DNER: variants seen among roughly 807,000 people sequenced by gnomAD.
DNER encodes delta/notch like EGF repeat containing, also known as delta and Notch-like epidermal growth factor-related receptor.
A neutral mutation model predicts 78.2 loss-of-function variants in DNER; 33 were observed. The observed-to-expected ratio is 0.42, with a 90% CI of 0.32 to 0.56. DNER has a LOEUF of 0.56. Ranked by LOEUF, DNER falls within the 20% of genes least tolerant of loss-of-function variation. DNER has a pLI of 0.11. For synonymous variants in DNER, 417 were observed against 384.8 expected, an observed-to-expected ratio of 1.08 and a Z score of -0.98; for missense variants, 918 against 975.3, an observed-to-expected ratio of 0.94 and a Z score of 0.78.
intron 1 of DNER, among the ~76,000 whole-genome samples, chr2:229,677,796 G>A (rs1047183659): frequency 1.3e-5 from 2 of 152,168 alleles, no homozygotes; most frequent in Non-Finnish European, 2.9e-5. Flanking sequence ...ATATGTTTAA[G>A]TTTTTTGAAA....
chr2:229,561,644 A>T (rs1042496617), intron 4 of DNER, among the ~76,000 whole-genome samples: 2 of 152,110 alleles, frequency 1.3e-5, no homozygotes, highest in African/African-American at 4.8e-5. Flanking sequence ...GTTATTAGCC[A>T]CCGTGCTACA....
chr2:229,673,837 G>A lies in DNER; in HGVS notation c.276+40311C>T, dbSNP rs1699251688. Among the ~76,000 whole-genome samples, 4 of 152,228 alleles carry A rather than the reference G, an allele frequency of 2.6e-5. 1 individual carries two copies. The South Asian group carries it at 8.3e-4, about 31-fold the overall frequency. On this transcript the variant is annotated intron_variant, in intron 1 of 12. Coordinates refer to ENST00000341772, the MANE Select transcript of DNER (RefSeq NM_139072.4). ...TCCCTTCCCCATGGCTCTTTGCTCT[G>A]AGGCTGACGCATACGGACAAACACA... is the stretch of plus-strand genomic sequence containing the variant.
intron 12 of DNER, 93 bp downstream of exon 12, chr2:229,366,780 C>T: frequency 6.5e-7 from 1 of 1,546,754 alleles, no homozygotes. Flanking sequence ...AAAATCTCCT[C>T]TTTGCAAATG....
chr2:229,416,661 T>C (rs1693659265), intron 9 of DNER, among the ~76,000 whole-genome samples: 1 of 152,168 alleles, frequency 6.6e-6, no homozygotes, highest in South Asian at 2.1e-4. Context: ...GCTGAAGGAT[T>C]TTTTTGGACT....
At chr2:229,571,637 C>A (rs1024195706) in intron 4 of DNER, among the ~76,000 whole-genome samples, 3 of 152,124 alleles carry the variant, frequency 2.0e-5, no homozygotes, top group Admixed American at 2.0e-4. Flanking sequence ...CTTTTAACTG[C>A]CCACTGAATG....
intron 5 of DNER, among the ~76,000 whole-genome samples, chr2:229,516,041 C>A (rs1695964238): frequency 6.6e-6 from 1 of 152,302 alleles, no homozygotes; most frequent in South Asian, 2.1e-4. Context: ...CCTGAAGAAA[C>A]TGTTGAAACA....
intron 4 of DNER, among the ~76,000 whole-genome samples, chr2:229,583,549 C>T (rs554793691): frequency 6.6e-6 from 1 of 152,300 alleles, no homozygotes; most frequent in East Asian, 1.9e-4. Flanking sequence ...CAGCGTAGGT[C>T]AGAGACTGTC....
intron 1 of DNER, among the ~76,000 whole-genome samples, chr2:229,696,881 G>A (rs745406076): frequency 9.9e-5 from 15 of 152,156 alleles, no homozygotes; most frequent in Non-Finnish European, 1.8e-4. Context: ...CCATCCAGGG[G>A]GGATCCTGGG....
Position 229,425,212 on chromosome 2 carries a change from C to T in DNER, c.1487-6982G>A, listed in dbSNP as rs558585043. Reference sequence around the variant, plus strand: ...AGGCCCTGGGTATATCTGGGACTGGCTCATACCAAGCAAATGAGATAGAGC... The same window carrying T: ...AGGCCCTGGGTATATCTGGGACTGGTTCATACCAAGCAAATGAGATAGAGC... On this transcript the variant is annotated intron_variant, in intron 8 of 12. Transcript: ENST00000341772. Among the ~76,000 whole-genome samples, 9 of 152,202 alleles carry T rather than the reference C, an allele frequency of 5.9e-5. No individual in the cohort carries two copies. The South Asian group carries it at 1.9e-3, about 32-fold the overall frequency.
intron 12 of DNER, among the ~76,000 whole-genome samples, chr2:229,363,753 G>C (rs1046755857): frequency 6.6e-6 from 1 of 152,110 alleles, no homozygotes; most frequent in Non-Finnish European, 1.5e-5. Flanking sequence ...TGAGCAGAAG[G>C]CTCAGCAGAA....
chr2:229,474,515 A>T (rs1199469066), intron 7 of DNER, among the ~76,000 whole-genome samples: 2 of 152,176 alleles, frequency 1.3e-5, no homozygotes, highest in Non-Finnish European at 1.5e-5. Context: ...TCTAGGCAGC[A>T]TGGAGGGGCT....
intron 6 of DNER, among the ~76,000 whole-genome samples, chr2:229,493,070 G>A (rs539197127): frequency 2.9e-4 from 44 of 152,290 alleles, no homozygotes; most frequent in African/African-American, 9.1e-4. Flanking sequence ...TTCTAATCGG[G>A]ATTTGTCTCC....
At chr2:229,548,117 G>A (rs1312059605) in intron 4 of DNER, among the ~76,000 whole-genome samples, 2 of 152,136 alleles carry the variant, frequency 1.3e-5, no homozygotes, top group Admixed American at 6.5e-5. Context: ...TACAACAAAA[G>A]ATTTGTAAGA....
At chr2:229,710,983 G>GCA (rs34720917) in intron 1 of DNER, among the ~76,000 whole-genome samples, 44,541 of 139,344 alleles carry the variant, frequency 0.32, 6,967 homozygotes, top group Middle Eastern at 0.36. Context: ...GCATACACGC[G>GCA]CACACACACA....
chr2:229,533,808 A>G (rs1055165222), intron 5 of DNER, among the ~76,000 whole-genome samples: 4 of 152,256 alleles, frequency 2.6e-5, no homozygotes, highest in Non-Finnish European at 5.9e-5. Flanking sequence ...CACTTCAAGC[A>G]AAATAAGCAA....
intron 5 of DNER, among the ~76,000 whole-genome samples, chr2:229,537,269 G>A (rs564810000): frequency 6.6e-6 from 1 of 152,290 alleles, no homozygotes; most frequent in South Asian, 2.1e-4. Flanking sequence ...CCTGCTGCCT[G>A]TTTTTTCTCG....
At chr2:229,373,927 G>A (rs1297665319) in intron 11 of DNER, among the ~76,000 whole-genome samples, 2 of 152,190 alleles carry the variant, frequency 1.3e-5, no homozygotes, top group Non-Finnish European at 2.9e-5. Context: ...CAGTTTGGGA[G>A]ACCGAAGTGG....
At chr2:229,451,543 G>A (rs374444831) in intron 7 of DNER, among the ~76,000 whole-genome samples, 48 of 152,296 alleles carry the variant, frequency 3.2e-4, no homozygotes, top group African/African-American at 1.0e-3. Flanking sequence ...TAACCCTTTA[G>A]GTGAACTATT....
intron 1 of DNER, among the ~76,000 whole-genome samples, chr2:229,689,299 C>T (rs1699532168): frequency 6.6e-6 from 1 of 152,118 alleles, no homozygotes; most frequent in Non-Finnish European, 1.5e-5. Context: ...TGATTTCTCC[C>T]AAAGCTGCTG....
Sources: allele counts gnomAD v4.1 joint callset (sites outside exome capture counted in the v4.1 genomes callset), GRCh38; gene constraint gnomAD v4.1.1; transcripts MANE v1.5; gene names NCBI Gene and HGNC (gene_info 2026-07-23, HGNC 2026-07-21).